The following CDH2 variants were observed in gnomAD, a reference collection of about 807,000 sequenced individuals.
CDH2 encodes the protein cadherin 2.
CDH2 carries 17 observed loss-of-function variants against 92.0 expected under a neutral mutation model. The observed-to-expected ratio is 0.18, with a 90% CI of 0.13 to 0.28. CDH2 has a LOEUF of 0.28. Ranked by LOEUF, CDH2 falls within the 10% of genes least tolerant of loss-of-function variation. The probability of loss-of-function intolerance (pLI) is 1.00; values close to 1 mark genes in which losing one functional copy is unlikely to be tolerated. For synonymous variants in CDH2, 419 were observed against 415.9 expected, an observed-to-expected ratio of 1.01 and a Z score of -0.09; for missense variants, 862 against 1,133.1, an observed-to-expected ratio of 0.76 and a Z score of 3.44.
At chr18:28,013,160 T>C (rs1457086702) in intron 3 of CDH2, among the ~76,000 whole-genome samples, 3 of 152,226 alleles carry the variant, frequency 2.0e-5, no homozygotes, top group African/African-American at 7.2e-5. Flanking sequence ...ACCTCATTTA[T>C]TTTATCTTGG....
chr18:27,983,397 G>T (rs2012123023), intron 13 of CDH2, among the ~76,000 whole-genome samples: 1 of 152,202 alleles, frequency 6.6e-6, no homozygotes, highest in African/African-American at 2.4e-5. Flanking sequence ...CTTCCCTTTG[G>T]CTTGCTAGAG....
At chr18:28,151,308 C>T (rs1336923948) in intron 1 of CDH2, among the ~76,000 whole-genome samples, 1 of 152,204 alleles carries the variant, frequency 6.6e-6, no homozygotes, top group Non-Finnish European at 1.5e-5. Context: ...TTAGCTGTCA[C>T]AACTGCGAGG....
At chr18:28,124,884 A>G (rs1445083016) in intron 2 of CDH2, among the ~76,000 whole-genome samples, 1 of 152,148 alleles carries the variant, frequency 6.6e-6, no homozygotes, top group Non-Finnish European at 1.5e-5. Flanking sequence ...CTGCCTGTTC[A>G]CTGGGTTGGT....
chr18:28,043,469 T>TATATATAA (rs2013995536), intron 2 of CDH2, among the ~76,000 whole-genome samples: 1 of 66,096 alleles, frequency 1.5e-5, no homozygotes, highest in African/African-American at 5.5e-5. Flanking sequence ...TAAATATATA[T>TATATATAA]ATATATATAT....
intron 2 of CDH2, among the ~76,000 whole-genome samples, chr18:28,039,243 T>A (rs2013900134): frequency 6.6e-6 from 1 of 152,082 alleles, no homozygotes; most frequent in Non-Finnish European, 1.5e-5. Context: ...TTCTGACGTC[T>A]CAGGATTGCG....
chr18:27,992,877 T>A (rs374531050), intron 8 of CDH2, 37 bp from the exon 9 acceptor site: 18 of 1,536,982 alleles, frequency 1.2e-5, no homozygotes, highest in Non-Finnish European at 1.6e-5. Flanking sequence ...AGGAGGGGCA[T>A]GGACCACTGA....
chr18:28,034,579 C>T (rs1019517542), intron 2 of CDH2, among the ~76,000 whole-genome samples: 1 of 151,774 alleles, frequency 6.6e-6, no homozygotes, highest in Non-Finnish European at 1.5e-5. Flanking sequence ...CCTTCCAATA[C>T]GTTAAAAAAT....
At chr18:28,159,635 T>TACTC (rs1365918117) in intron 1 of CDH2, among the ~76,000 whole-genome samples, 1 of 151,598 alleles carries the variant, frequency 6.6e-6, no homozygotes. Flanking sequence ...AAGGGTGCTT[T>TACTC]ACTCAGGACC....
At chr18:28,126,005 GC>G (rs2015671817) in intron 2 of CDH2, among the ~76,000 whole-genome samples, 1 of 152,054 alleles carries the variant, frequency 6.6e-6, no homozygotes, top group South Asian at 2.1e-4. Flanking sequence ...ATGGTCAATT[GC>G]ATTATCTAAT....
intron 2 of CDH2, chr18:28,036,592 C>T (rs778896681): frequency 7.3e-7 from 1 of 1,374,274 alleles, no homozygotes; most frequent in Admixed American, 1.8e-5. Flanking sequence ...GCTTAGTGAA[C>T]AAAGTCATAA....
chr18:28,044,774 T>C (rs1359934596), intron 2 of CDH2, among the ~76,000 whole-genome samples: 1 of 105,154 alleles, frequency 9.5e-6, no homozygotes, highest in Non-Finnish European at 1.9e-5. Context: ...CCTTAGTTAC[T>C]TGTCAAAAAA....
rs571562094 is a variant in CDH2, at chr18:28,042,650, T to C, written c.173-28741A>G. Among the ~76,000 whole-genome samples the C allele has an allele frequency of 1.2e-3, 190 of 152,182 alleles. 2 individuals are homozygous for C. The highest frequency in any genetic ancestry group is 0.01 in the Middle Eastern group (3 of 292). On this transcript the variant is annotated intron_variant, in intron 2 of 15. Transcript: ENST00000269141. ...GAACAAAAGAGAAACCATAAAAATA[T>C]ACACACACACAAGTTTATGAAAAAT...
chr18:28,015,139 G>A (rs2013207861), intron 2 of CDH2, among the ~76,000 whole-genome samples: 1 of 152,124 alleles, frequency 6.6e-6, no homozygotes, highest in South Asian at 2.1e-4. Flanking sequence ...GCTGCTGACA[G>A]TTCTTCTGCT....
chr18:28,114,172 G>C (rs2015457804), intron 2 of CDH2, among the ~76,000 whole-genome samples: 1 of 152,064 alleles, frequency 6.6e-6, no homozygotes, highest in African/African-American at 2.4e-5. Flanking sequence ...ATATTTCATA[G>C]TTTCAAATAG....
At chr18:28,144,310 C>T (rs916769108) in intron 2 of CDH2, among the ~76,000 whole-genome samples, 1 of 151,712 alleles carries the variant, frequency 6.6e-6, no homozygotes, top group East Asian at 1.9e-4. Context: ...CCTAAACATA[C>T]AAAAATTGAT....
chr18:28,164,577 T>C (rs2016351785), intron 1 of CDH2, among the ~76,000 whole-genome samples: 1 of 152,084 alleles, frequency 6.6e-6, no homozygotes, highest in African/African-American at 2.4e-5. Flanking sequence ...CTCAACCCTC[T>C]CCTCTACAGG....
Position 27,952,011 on chromosome 18 carries a change from A to G in CDH2, c.*142T>C. The G allele has an allele frequency of 5.8e-6, 4 of 691,342 alleles. No homozygotes were observed. The Admixed American group carries it at 9.1e-5, about 16-fold the overall frequency. 42.8% of individuals were successfully genotyped at this position (691,342 alleles called of 1,614,324 possible). A position where few individuals can be genotyped will look rare whatever the true frequency, so the allele number is the denominator to read the frequency against. On this transcript the variant is annotated 3_prime_UTR_variant, in exon 16 of 16. Coordinates refer to ENST00000269141, the MANE Select transcript of CDH2 (RefSeq NM_001792.5). The stretch of plus-strand genomic sequence containing the variant: ...ATCACTGATATTCCCTCTGAGCCCA[A>G]ATTGGTTTGCAGCCTATGCCAAAGC...
chr18:28,042,614 G>A (rs1330170929), intron 2 of CDH2, among the ~76,000 whole-genome samples: 14 of 152,048 alleles, frequency 9.2e-5, no homozygotes, highest in Non-Finnish European at 7.4e-5. Flanking sequence ...GGGCCCTAGG[G>A]ATACTGCAGT....
chr18:28,175,454 C>T (rs561140584), intron 1 of CDH2, among the ~76,000 whole-genome samples: 1 of 152,334 alleles, frequency 6.6e-6, no homozygotes, highest in South Asian at 2.1e-4. Context: ...GAGAGCACGA[C>T]CCGGGAGGAG....
Sources: allele counts gnomAD v4.1 joint callset (sites outside exome capture counted in the v4.1 genomes callset), GRCh38; gene constraint gnomAD v4.1.1; transcripts MANE v1.5; gene names NCBI Gene and HGNC (gene_info 2026-07-23, HGNC 2026-07-21).